ZNF652: variants seen among roughly 807,000 people sequenced by gnomAD.
The protein encoded by ZNF652 is zinc finger protein 652.
Under a neutral mutation model 45.2 loss-of-function variants are expected in ZNF652, and 16 were observed. The ratio of observed to expected loss-of-function variants is 0.35; its 90% CI spans 0.24 to 0.54. The LOEUF is 0.54. ZNF652 is among the 20% of genes least tolerant of loss of function. The probability of loss-of-function intolerance (pLI) is 0.91; values close to 1 mark genes in which losing one functional copy is unlikely to be tolerated. For synonymous variants in ZNF652, 250 were observed against 260.6 expected, an observed-to-expected ratio of 0.96 and a Z score of 0.39; for missense variants, 614 against 765.6, an observed-to-expected ratio of 0.80 and a Z score of 2.34.
chr17:49,342,066 A>G (rs1235501387), intron 1 of ZNF652, among the ~76,000 whole-genome samples: 1 of 151,942 alleles, frequency 6.6e-6, no homozygotes. Flanking sequence ...GGCGCCTATA[A>G]TCTCAGCTAC....
intron 1 of ZNF652, among the ~76,000 whole-genome samples, chr17:49,324,734 C>CTTTT (rs1185007907): frequency 2.1e-5 from 2 of 96,222 alleles, no homozygotes; most frequent in Non-Finnish European, 4.0e-5. Flanking sequence ...TGGGGTAGCA[C>CTTTT]TTTTTTTTTT....
chr17:49,324,108 A>G (rs1184946659), intron 1 of ZNF652, among the ~76,000 whole-genome samples: 10 of 152,244 alleles, frequency 6.6e-5, no homozygotes. Context: ...AAATGATCTT[A>G]GCTAGATCTG....
chr17:49,309,395 C>G (rs1386464997), intron 5 of ZNF652, among the ~76,000 whole-genome samples: 1 of 140,000 alleles, frequency 7.1e-6, no homozygotes, highest in Non-Finnish European at 1.5e-5. Flanking sequence ...GTAATCTCAA[C>G]TACTAGGGAG....
rs1053159288 is a variant in ZNF652, at chr17:49,289,319, G to C, written c.*9094C>G. On this transcript the variant is annotated 3_prime_UTR_variant, in exon 6 of 6. Transcript: ENST00000430262. ...ATCATTAGGCGGCACACCTGTACCA[G>C]AGTCTCACAAGAATAAAATATACAA... 3.3e-5 allele frequency: 5 copies of C among 151,554 alleles called. No individual in the cohort carries two copies. Among genetic ancestry groups the C allele is most frequent in the African/African-American group, 4.9e-5 (2 of 41,164 alleles). 9.4% of individuals were successfully genotyped at this position (151,554 alleles called of 1,614,324 possible). A position where few individuals can be genotyped will look rare whatever the true frequency, so the allele number is the denominator to read the frequency against.
intron 1 of ZNF652, among the ~76,000 whole-genome samples, chr17:49,333,182 CGA>C (rs2143855060): frequency 6.6e-6 from 1 of 151,442 alleles, no homozygotes; most frequent in South Asian, 2.1e-4. Context: ...CTCAGCCTCC[CGA>C]GTAGCTGGGA....
chr17:49,348,912 A>AT (rs1298523985), intron 1 of ZNF652, among the ~76,000 whole-genome samples: 1 of 152,044 alleles, frequency 6.6e-6, no homozygotes, highest in East Asian at 1.9e-4. Context: ...ATGCTTGAGG[A>AT]TTTTTTCTTT....
chr17:49,329,758 T>A (rs761419651), intron 1 of ZNF652, among the ~76,000 whole-genome samples: 2 of 152,204 alleles, frequency 1.3e-5, no homozygotes, highest in African/African-American at 2.4e-5. Flanking sequence ...TTGTGTTTCC[T>A]CAACAATATG....
chr17:49,362,028 C>T lies in ZNF652; in HGVS notation c.-378G>A, dbSNP rs1026947991. The T allele has an allele frequency of 2.7e-5, 4 of 149,682 alleles. No homozygotes were observed. The highest frequency in any genetic ancestry group is 4.1e-4 in the South Asian group (2 of 4,848). 9.3% of individuals were successfully genotyped at this position (149,682 alleles called of 1,614,324 possible). ...CCGCCGGCTGGGCCAGCCCCTCCCC[C>T]CCTGCCCAACGTCTGTCCTCAGGGC... On this transcript the variant is annotated 5_prime_UTR_variant, in exon 1 of 6. Transcript: ENST00000430262.
Position 49,294,188 on chromosome 17 carries a change from G to A in ZNF652, c.*4225C>T, listed in dbSNP as rs915432462. ...AATTTCAAGAATTAAAAAATTCATA[G>A]TTTATAAGCATCTCATCAGAGCATT... On this transcript the variant is annotated 3_prime_UTR_variant, in exon 6 of 6. Coordinates refer to ENST00000430262, the MANE Select transcript of ZNF652 (RefSeq NM_001145365.3). Among the ~76,000 whole-genome samples the A allele has an allele frequency of 6.6e-6, 1 of 152,046 alleles. No individual in the cohort carries two copies. Among genetic ancestry groups the A allele is most frequent in the Non-Finnish European group, 1.5e-5 (1 of 68,002 alleles).
chr17:49,301,647 T>G (rs1347502685), intron 5 of ZNF652, among the ~76,000 whole-genome samples: 1 of 152,068 alleles, frequency 6.6e-6, no homozygotes, highest in African/African-American at 2.4e-5. Flanking sequence ...GGCTCCTTAC[T>G]GTGACTCATA....
At chr17:49,337,325 T>C (rs1598307726) in intron 1 of ZNF652, among the ~76,000 whole-genome samples, 1 of 125,184 alleles carries the variant, frequency 8.0e-6, no homozygotes, top group South Asian at 2.5e-4. Flanking sequence ...AACAGACCAA[T>C]ACCCATTCTC....
chr17:49,325,752 G>A (rs374773572), intron 1 of ZNF652, among the ~76,000 whole-genome samples: 23 of 152,212 alleles, frequency 1.5e-4, no homozygotes, highest in African/African-American at 5.3e-4. Flanking sequence ...GAACCAGGAG[G>A]CGGAGGCTGT....
chr17:49,345,908 C>T (rs888818372), intron 1 of ZNF652, among the ~76,000 whole-genome samples: 6 of 151,066 alleles, frequency 4.0e-5, no homozygotes, highest in African/African-American at 9.7e-5. Flanking sequence ...CATTTAGATG[C>T]GAAGTGTTAA....
intron 5 of ZNF652, among the ~76,000 whole-genome samples, chr17:49,299,750 C>T (rs1197632281): frequency 5.9e-5 from 9 of 151,810 alleles, no homozygotes; most frequent in Non-Finnish European, 8.8e-5. Context: ...GATCACAGCT[C>T]GCTGCAGTTT....
chr17:49,355,716 G>A (rs1372872102), intron 1 of ZNF652, among the ~76,000 whole-genome samples: 1 of 151,870 alleles, frequency 6.6e-6, no homozygotes, highest in African/African-American at 2.4e-5. Flanking sequence ...TGGCCAATAT[G>A]GTGAAACCCC....
chr17:49,342,154 C>G (rs1382892651), intron 1 of ZNF652, among the ~76,000 whole-genome samples: 1 of 151,596 alleles, frequency 6.6e-6, no homozygotes, highest in Non-Finnish European at 1.5e-5. Context: ...CCACTGCACT[C>G]CAGCCTGGAT....
At chr17:49,299,107 C>T (rs1264470198) in intron 5 of ZNF652, among the ~76,000 whole-genome samples, 183 bp from the exon 6 acceptor site, 2 of 151,892 alleles carry the variant, frequency 1.3e-5, no homozygotes, top group East Asian at 1.9e-4. Context: ...TGAGCCACTG[C>T]GCCTGGCCTA....
chr17:49,296,504 A>T lies in ZNF652; in HGVS notation c.*1909T>A, dbSNP rs1321296897. On this transcript the variant is annotated 3_prime_UTR_variant, in exon 6 of 6. Transcript: ENST00000430262. The stretch of plus-strand genomic sequence containing the variant: ...TAATATTAAAAATAAAAAAATAAAT[A>T]AAAGCCAGCGTTCTGATTCAGGCAA... 2 of 152,614 alleles carry T rather than the reference A, an allele frequency of 1.3e-5. No individual in the cohort carries two copies. The highest frequency in any genetic ancestry group is 6.5e-5 in the Admixed American group (1 of 15,276). 9.5% of individuals were successfully genotyped at this position (152,614 alleles called of 1,614,324 possible). A position where few individuals can be genotyped will look rare whatever the true frequency, so the allele number is the denominator to read the frequency against.
Position 49,323,956 on chromosome 17 carries a change from G to C in ZNF652, c.-258-5973C>G, listed in dbSNP as rs900583058. Among the ~76,000 whole-genome samples, 7 of 152,296 alleles carry C rather than the reference G, an allele frequency of 4.6e-5. No homozygotes were observed. In the South Asian group the frequency reaches 8.3e-4, roughly 18 times the overall value. Reference sequence around the variant, plus strand: ...GATTTTTGGAATAGTAAGTGAACAAGGTGGCTTCACCTTCGAGTCACCAGC... The same window carrying C: ...GATTTTTGGAATAGTAAGTGAACAACGTGGCTTCACCTTCGAGTCACCAGC... On this transcript the variant is annotated intron_variant, in intron 1 of 5. Transcript: ENST00000430262.
Sources: allele counts gnomAD v4.1 joint callset (sites outside exome capture counted in the v4.1 genomes callset), GRCh38; gene constraint gnomAD v4.1.1; transcripts MANE v1.5; gene names NCBI Gene and HGNC (gene_info 2026-07-23, HGNC 2026-07-21).